ARHGEF1: variants seen among roughly 807,000 people sequenced by gnomAD.
ARHGEF1 encodes 115 kDa guanine nucleotide exchange factor.
ARHGEF1 carries 40 observed loss-of-function variants against 119.7 expected under a neutral mutation model. The observed-to-expected ratio is 0.33, with a 90% CI of 0.26 to 0.44. The LOEUF (loss-of-function observed/expected upper bound fraction) is 0.44. Ranked by LOEUF, ARHGEF1 falls within the 20% of genes least tolerant of loss-of-function variation. The probability of loss-of-function intolerance (pLI) is 1.00; values close to 1 mark genes in which losing one functional copy is unlikely to be tolerated. For missense variants in ARHGEF1, 976 were observed against 1,268.3 expected (o/e 0.77, Z 3.50); for synonymous variants, 494 against 521.0 (o/e 0.95, Z 0.71).
At chr19:41,895,552 C>T in intron 12 of ARHGEF1, 66 bp downstream of exon 12, 2 of 1,502,284 alleles carry the variant, frequency 1.3e-6, no homozygotes, top group Non-Finnish European at 8.9e-7. Context: ...CTGCCTGCCC[C>T]CTTGGCACCC....
In ARHGEF1 at chr19:41,892,338, G is replaced by T. The variant is rs139897494; in HGVS notation, c.332G>T (p.Arg111Leu). Residue 111 changes from arginine (R) to leucine (L), a missense_variant, in exon 6 of 29, where the codon CGG becomes CTG. Around this residue, in one of 3 missense-constraint regions of ARHGEF1, gnomAD observed 519 missense variants for 580.9 expected, o/e 0.89. Coordinates refer to ENST00000354532, the MANE Select transcript of ARHGEF1 (RefSeq NM_004706.4). The surrounding 1 kb of genome is among the most constrained non-coding windows in gnomAD (Gnocchi z 6.3). ...HSFLEKTAVLRVPVPPNVAFE... is the reference protein window; with the variant it reads ...HSFLEKTAVLLVPVPPNVAFE... ...ATTCTCTCTCTTGAGCAGGTTCTCC[G>T]GGTGCCGGTCCCTCCCAACGTCGCC... 1.2e-6 allele frequency: 2 copies of T among 1,613,794 alleles called. No homozygotes were observed. The highest frequency in any genetic ancestry group is 1.7e-6 in the Non-Finnish European group (2 of 1,180,018).
rs532250279 is a variant in ARHGEF1 at position 41,903,951 on chromosome 19, G to T, written c.1918-84G>T. ...TGATCCCCAGCCTGTGGTCATCCCC[G>T]GCCACTGCCCTGCCCTTCCCCTCCC... On this transcript the variant is annotated intron_variant, in intron 20 of 28. Coordinates refer to ENST00000354532, the MANE Select transcript of ARHGEF1 (RefSeq NM_004706.4). The surrounding 1 kb of genome is among the most constrained non-coding windows in gnomAD (Gnocchi z 4.2). The T allele has an allele frequency of 2.7e-5, 38 of 1,431,310 alleles. No individual in the cohort carries two copies. The highest frequency in any genetic ancestry group is 3.4e-5 in the Non-Finnish European group (35 of 1,023,510). The allele number at this position is 1,431,310 out of a possible 1,614,324, so 88.7% of individuals were successfully genotyped here. A position where few individuals can be genotyped will look rare whatever the true frequency, so the allele number is the denominator to read the frequency against.
At chr19:41,908,783 A>C, downstream of ARHGEF1, 1 of 552,668 alleles carries the variant, frequency 1.8e-6, no homozygotes, top group Non-Finnish European at 2.7e-6. This position sits in a 1 kb window ranked among gnomAD's most constrained non-coding sequence, Gnocchi z 6.7. Context: ...CATCCCTCCT[A>C]CATGGCATCT....
At position 41,903,877 on chromosome 19, in the gene ARHGEF1, A is replaced by G; in HGVS notation, c.1917+93A>G. 3 of 1,435,008 alleles carry G rather than the reference A, an allele frequency of 2.1e-6. No homozygotes were observed. In the Admixed American group the frequency reaches 5.3e-5, roughly 25 times the overall value. 88.9% of individuals were successfully genotyped at this position (1,435,008 alleles called of 1,614,324 possible). A position where few individuals can be genotyped will look rare whatever the true frequency, so the allele number is the denominator to read the frequency against. ...CCCCAGCCTGTCCTGCCCATCCCATAATACACCCAGGAAGCGAGAGCTCTG... is the reference window on the plus strand; with the variant it reads ...CCCCAGCCTGTCCTGCCCATCCCATGATACACCCAGGAAGCGAGAGCTCTG... On this transcript the variant is annotated intron_variant, in intron 20 of 28. Coordinates refer to ENST00000354532, the MANE Select transcript of ARHGEF1 (RefSeq NM_004706.4). This position sits in a 1 kb window ranked among gnomAD's most constrained non-coding sequence, Gnocchi z 4.2.
chr19:41,897,733 G>C (rs1423503484), intron 13 of ARHGEF1: 3 of 466,766 alleles, frequency 6.4e-6, no homozygotes, highest in African/African-American at 4.1e-5. Context: ...CCCTGTCTCT[G>C]TCCCTGTCCT....
intron 7 of ARHGEF1, 24 bp from the exon 8 acceptor site, chr19:41,893,250 C>T: frequency 6.2e-7 from 1 of 1,612,488 alleles, no homozygotes; most frequent in South Asian, 1.1e-5. Context: ...AAATATGTCA[C>T]AAACATCTCT....
intron 13 of ARHGEF1, chr19:41,897,128 G>T (rs1332685406): frequency 2.0e-5 from 7 of 349,192 alleles, no homozygotes; most frequent in Non-Finnish European, 3.2e-5. Context: ...GCCTCCTGGT[G>T]CCCGTCCCTC....
In ARHGEF1 at chr19:41,901,748, T is replaced by C. The variant is rs1276227458; in HGVS notation, c.1268-139T>C. ...GATTACAAGTGTGAACCACCATGGC[T>C]AGCCAGAGAGAGTTTTTTCCCACCA... On this transcript the variant is annotated intron_variant, in intron 14 of 28. Coordinates refer to ENST00000354532, the MANE Select transcript of ARHGEF1 (RefSeq NM_004706.4). The C allele has an allele frequency of 1.7e-5, 18 of 1,072,054 alleles. No individual in the cohort carries two copies. The East Asian group carries it at 2.9e-4, about 17-fold the overall frequency. The allele number at this position is 1,072,054 out of a possible 1,614,324, so 66.4% of individuals were successfully genotyped here. A position where few individuals can be genotyped will look rare whatever the true frequency, so the allele number is the denominator to read the frequency against.
chr19:41,913,133 T>A (rs1232561735), intron 18 of ARHGEF1, among the ~76,000 whole-genome samples: 1 of 151,230 alleles, frequency 6.6e-6, no homozygotes, highest in African/African-American at 2.4e-5. Flanking sequence ...GAGACCCCGT[T>A]CCTTCCCTCC....
chr19:41,918,814 A>G (rs1457501810), upstream of ARHGEF1, among the ~76,000 whole-genome samples: 4 of 146,712 alleles, frequency 2.7e-5, no homozygotes, highest in African/African-American at 5.1e-5. Flanking sequence ...CACACACCAC[A>G]TCACTCTCAC....
chr19:41,906,340 C>T lies in ARHGEF1; in HGVS notation c.2492-117C>T. On this transcript the variant is annotated intron_variant, in intron 26 of 28. Transcript: ENST00000354532. The surrounding 1 kb of genome is among the most constrained non-coding windows in gnomAD (Gnocchi z 4.5). ...GATCCCCGAACCCCATCTGCTCAGC[C>T]TTGCCTGGCACCCACCTTCACCTCC... The T allele has an allele frequency of 9.1e-6, 10 of 1,100,528 alleles. No individual in the cohort carries two copies. The highest frequency in any genetic ancestry group is 1.3e-5 in the Non-Finnish European group (10 of 777,756). 68.2% of individuals were successfully genotyped at this position (1,100,528 alleles called of 1,614,324 possible).
chr19:41,894,877 G>C (rs569013797), intron 11 of ARHGEF1, among the ~76,000 whole-genome samples: 12 of 110,220 alleles, frequency 1.1e-4, no homozygotes, highest in South Asian at 8.1e-4. Flanking sequence ...CCCTGGGTCT[G>C]AGGGAGGAGG....
At chr19:41,907,842 G>T (rs2074725543), downstream of ARHGEF1, 1 of 184,558 alleles carries the variant, frequency 5.4e-6, no homozygotes, top group Non-Finnish European at 9.7e-6. Flanking sequence ...CTGTCCCCAG[G>T]GGGGCCTATA....
chr19:41,892,564 C>T lies in ARHGEF1; in HGVS notation c.368-39C>T. On this transcript the variant is annotated intron_variant, in intron 6 of 28. Coordinates refer to ENST00000354532, the MANE Select transcript of ARHGEF1 (RefSeq NM_004706.4). This position sits in a 1 kb window ranked among gnomAD's most constrained non-coding sequence, Gnocchi z 6.3. ...GGGTGGGGACCGTGGTCCAAGCCACCAGGGAGCTGGACCCTAGCCCCCATG... is the reference window on the plus strand; with the variant it reads ...GGGTGGGGACCGTGGTCCAAGCCACTAGGGAGCTGGACCCTAGCCCCCATG... The T allele has an allele frequency of 6.4e-7, 1 of 1,565,790 alleles. No individual in the cohort carries two copies. Among genetic ancestry groups the T allele is most frequent in the Non-Finnish European group, 8.7e-7 (1 of 1,151,272 alleles).
chr19:41,900,300 C>T (rs893244600), intron 14 of ARHGEF1, among the ~76,000 whole-genome samples: 1 of 152,074 alleles, frequency 6.6e-6, no homozygotes, highest in Admixed American at 6.6e-5. Flanking sequence ...CAGATCACTC[C>T]ACCACACTTC....
At chr19:41,896,824 TC>T in intron 13 of ARHGEF1, 1 of 289,328 alleles carries the variant, frequency 3.5e-6, no homozygotes, top group Non-Finnish European at 6.6e-6. Context: ...CTCTCTCACC[TC>T]CCCCATCCTC....
At chr19:41,908,269 G>A (rs963596631), downstream of ARHGEF1, 100 of 1,231,528 alleles carry the variant, frequency 8.1e-5, no homozygotes, top group Non-Finnish European at 9.7e-5. This position sits in a 1 kb window ranked among gnomAD's most constrained non-coding sequence, Gnocchi z 6.7. Flanking sequence ...GCCTTGGGGG[G>A]TGCCGGGAGA....
intron 14 of ARHGEF1, among the ~76,000 whole-genome samples, chr19:41,898,967 G>A (rs781854731): frequency 6.6e-6 from 1 of 152,184 alleles, no homozygotes; most frequent in Non-Finnish European, 1.5e-5. Context: ...GCTGGGCACA[G>A]AGGAAGAGCA....
rs1294799514 is a variant in ARHGEF1 at position 41,915,049 on chromosome 19, G to A, written c.1866-8043G>A. On this transcript the variant is annotated intron_variant, in intron 18 of 20. Coordinates refer to the ARHGEF1 transcript ENST00000599589. Reference sequence around the variant, plus strand: ...TGTCCCGCGTCTCTCCAGCAGCCCCGCTCCCCCACACCTCTCCCCCACCCA... The same window carrying A: ...TGTCCCGCGTCTCTCCAGCAGCCCCACTCCCCCACACCTCTCCCCCACCCA... Among the ~76,000 whole-genome samples the A allele has an allele frequency of 6.7e-4, 44 of 65,462 alleles. 1 individual carries two copies. Among genetic ancestry groups the A allele is most frequent in the South Asian group, 3.5e-3 (4 of 1,150 alleles). The allele number at this position is 65,462 out of a possible 152,430, so 42.9% of individuals were successfully genotyped here.
Sources: allele counts gnomAD v4.1 joint callset (sites outside exome capture counted in the v4.1 genomes callset), GRCh38; gene constraint gnomAD v4.1.1; regional missense constraint gnomAD v4.1.1; non-coding constraint Gnocchi (gnomAD v3.1); transcripts MANE v1.5; gene names NCBI Gene and HGNC (gene_info 2026-07-23, HGNC 2026-07-21).